Variants in TUSC3 observed in about 807,000 individuals in gnomAD.
TUSC3 encodes the protein tumor suppressor candidate 3.
TUSC3 carries 45 observed loss-of-function variants against 44.8 expected under a neutral mutation model. The observed-to-expected ratio is 1.00, with a 90% CI of 0.79 to 1.29. The LOEUF (loss-of-function observed/expected upper bound fraction) is 1.29. TUSC3 is among the 50% of genes most tolerant of loss of function. The pLI is 0.00. For missense variants in TUSC3, 519 were observed against 437.9 expected, an observed-to-expected ratio of 1.19 and a Z score of -1.65; for synonymous variants, 212 against 152.9, an observed-to-expected ratio of 1.39 and a Z score of -2.85.
intron 1 of TUSC3, among the ~76,000 whole-genome samples, chr8:15,606,207 C>A (rs1804518519): frequency 6.6e-6 from 1 of 152,008 alleles, no homozygotes; most frequent in African/African-American, 2.4e-5. Context: ...CCATTTTAAA[C>A]AGATGATTCA....
intron 1 of TUSC3, among the ~76,000 whole-genome samples, chr8:15,596,374 T>C (rs1050245955): frequency 6.6e-6 from 1 of 152,176 alleles, no homozygotes; most frequent in Non-Finnish European, 1.5e-5. Flanking sequence ...ACATCCACTT[T>C]TACACAGAAT....
intron 6 of TUSC3, among the ~76,000 whole-genome samples, chr8:15,684,612 G>T (rs540037725): frequency 2.0e-5 from 3 of 152,076 alleles, no homozygotes; most frequent in Non-Finnish European, 4.4e-5. Context: ...CGTTCCTCCC[G>T]GACTGGTCTT....
rs1430147012 is a variant in TUSC3 at position 15,456,077 on chromosome 8, C to CA, written n.92-27309_92-27308insA. ...GTGTAGGAGGATCATTTCCCACACC[C>CA]CATGATTGTACCCCCAACCAATCAG... On this transcript the variant is annotated intron_variant and non_coding_transcript_variant, in intron 1 of 5. Transcript: ENST00000503191. 1.5e-4 allele frequency among the ~76,000 whole-genome samples: 23 copies of CA among 152,276 alleles called. 1 individual carries two copies. The highest frequency in any genetic ancestry group is 5.3e-4 in the African/African-American group (22 of 41,560).
the TUSC3 span, among the ~76,000 whole-genome samples, chr8:15,786,923 A>G: frequency 7.0e-6 from 1 of 141,930 alleles, no homozygotes; most frequent in Admixed American, 7.5e-5. Flanking sequence ...CAGCCTGGGC[A>G]ACAGAGGGAG....
At chr8:15,797,037 A>G in the TUSC3 span, among the ~76,000 whole-genome samples, 2 of 152,142 alleles carry the variant, frequency 1.3e-5, no homozygotes, top group East Asian at 1.9e-4. Context: ...CCCTCTCCCT[A>G]ACTGCATCGT....
chr8:15,687,270 A>G (rs1422492366), intron 6 of TUSC3, among the ~76,000 whole-genome samples: 3 of 152,032 alleles, frequency 2.0e-5, no homozygotes, highest in Admixed American at 6.6e-5. Flanking sequence ...GCAGCTCATC[A>G]TCTAGTGGGG....
chr8:15,715,769 A>G (rs1310522728), intron 6 of TUSC3, among the ~76,000 whole-genome samples: 3 of 152,230 alleles, frequency 2.0e-5, no homozygotes, highest in East Asian at 3.9e-4. Flanking sequence ...CTTCCAGATC[A>G]TAAATGCAAA....
At chr8:15,553,652 G>A (rs1241170995) in intron 1 of TUSC3, among the ~76,000 whole-genome samples, 2 of 151,706 alleles carry the variant, frequency 1.3e-5, no homozygotes, top group Non-Finnish European at 2.9e-5. Flanking sequence ...CAGTGTTACA[G>A]TGAACACTAG....
rs147833596 is a variant in TUSC3, at chr8:15,718,086, G to T, written c.799-12580G>T. Among the ~76,000 whole-genome samples, 1,054 of 152,206 alleles carry T rather than the reference G, an allele frequency of 6.9e-3. 16 individuals are homozygous for T. The highest frequency in any genetic ancestry group is 0.024 in the African/African-American group (1,003 of 41,540). On this transcript the variant is annotated intron_variant, in intron 6 of 10. Coordinates refer to ENST00000503731, the MANE Select transcript of TUSC3 (RefSeq NM_006765.4). ...AGATGTTTGACATAGATTGCCAAGG[G>T]TTTTGAATTACCTCTAAACAATTTT...
the TUSC3 span, among the ~76,000 whole-genome samples, chr8:15,848,556 T>C: frequency 4.0e-5 from 6 of 151,570 alleles, no homozygotes; most frequent in East Asian, 9.7e-4. Context: ...TGTTCCCTGC[T>C]GCCTGTCAGT....
At chr8:15,548,895 G>T (rs1585090561) in intron 1 of TUSC3, among the ~76,000 whole-genome samples, 1 of 151,834 alleles carries the variant, frequency 6.6e-6, no homozygotes, top group South Asian at 2.1e-4. Flanking sequence ...CCTGATCCTT[G>T]AATCTCAGTG....
In TUSC3 at chr8:15,719,514, CACCACA is replaced by C. The variant is rs1402860465; in HGVS notation, c.799-11151_799-11146del. Among the ~76,000 whole-genome samples, 366 of 134,440 alleles carry C rather than the reference CACCACA, an allele frequency of 2.7e-3. 2 individuals are homozygous for C. Among genetic ancestry groups the C allele is most frequent in the African/African-American group, 0.01 (331 of 31,812 alleles). The allele number at this position is 134,440 out of a possible 152,430, so 88.2% of individuals were successfully genotyped here. On this transcript the variant is annotated intron_variant, in intron 6 of 10. Transcript: ENST00000503731. ...AGTTCATCACACACACACACACACACACCACACACACACACACACACACACACACAC... is the reference window on the plus strand; with the variant it reads ...AGTTCATCACACACACACACACACACCACACACACACACACACACACACAC...
intron 2 of TUSC3, among the ~76,000 whole-genome samples, chr8:15,636,684 C>T (rs1172254989): frequency 6.6e-6 from 1 of 152,172 alleles, no homozygotes; most frequent in Non-Finnish European, 1.5e-5. Flanking sequence ...GCAGTGCAGC[C>T]TGTTGCATTG....
At chr8:15,792,422 A>G in the TUSC3 span, among the ~76,000 whole-genome samples, 3 of 152,168 alleles carry the variant, frequency 2.0e-5, no homozygotes, top group African/African-American at 7.2e-5. Context: ...TTTGAGATAC[A>G]AACAGTGACT....
At chr8:15,787,868 G>A in the TUSC3 span, among the ~76,000 whole-genome samples, 3 of 152,128 alleles carry the variant, frequency 2.0e-5, no homozygotes, top group South Asian at 2.1e-4. Flanking sequence ...TTAATCACAA[G>A]CCCAGTATTT....
chr8:15,663,889 C>A (rs1213383799), intron 5 of TUSC3, among the ~76,000 whole-genome samples: 1 of 151,764 alleles, frequency 6.6e-6, no homozygotes. Flanking sequence ...GTTGCAAAAT[C>A]AAAACTTCTT....
intron 10 of TUSC3, 41 bp from the exon 11 acceptor site, chr8:15,764,162 T>C: frequency 6.5e-7 from 1 of 1,540,684 alleles, no homozygotes; most frequent in Non-Finnish European, 9.0e-7. Flanking sequence ...ATTTTCCTTA[T>C]GTTCTATGTT....
At chr8:15,456,071 C>T (rs911019554) in intron 1 of TUSC3, among the ~76,000 whole-genome samples, 1 of 152,134 alleles carries the variant, frequency 6.6e-6, no homozygotes, top group Non-Finnish European at 1.5e-5. Context: ...GATCATTTCC[C>T]ACACCCCATG....
intron 7 of TUSC3, among the ~76,000 whole-genome samples, chr8:15,738,300 C>T (rs991889423): frequency 2.4e-4 from 36 of 152,114 alleles, no homozygotes; most frequent in Non-Finnish European, 2.9e-5. Context: ...TTACTAAATT[C>T]TTGCATTTTA....
Sources: gnomAD v4.1 joint callset for allele counts (sites outside exome capture counted in the v4.1 genomes callset) on GRCh38, gnomAD v4.1.1 for gene constraint, MANE v1.5 for transcripts, NCBI Gene and HGNC (gene_info 2026-07-23, HGNC 2026-07-21) for gene names.